Variants in TMCC1 observed in about 807,000 individuals in gnomAD.
TMCC1 encodes transmembrane and coiled-coil domains protein 1.
In TMCC1, 15 loss-of-function variants were observed where a neutral mutation model predicts 52.4. The observed-to-expected ratio is 0.29, with a 90% CI of 0.19 to 0.44. The LOEUF is 0.44. Among genes scored for constraint, TMCC1 ranks in the 20% least tolerant of loss-of-function variants. TMCC1 has a pLI of 1.00. For synonymous variants in TMCC1, 279 were observed against 301.9 expected, an observed-to-expected ratio of 0.92 and a Z score of 0.79; for missense variants, 503 against 806.0, an observed-to-expected ratio of 0.62 and a Z score of 4.55.
chr3:129,672,460 T>G (rs952515865), intron 4 of TMCC1, among the ~76,000 whole-genome samples: 1 of 151,870 alleles, frequency 6.6e-6, no homozygotes, highest in Non-Finnish European at 1.5e-5. Flanking sequence ...ATTACACAGT[T>G]ATGGTGGCAC....
At chr3:129,759,587 T>TG in intron 4 of TMCC1, among the ~76,000 whole-genome samples, 2 of 147,948 alleles carry the variant, frequency 1.4e-5, no homozygotes, top group Non-Finnish European at 3.0e-5. Context: ...TTTTGAGAGT[T>TG]TTTTTTTTTT....
chr3:129,709,454 C>T (rs115079105), intron 4 of TMCC1, among the ~76,000 whole-genome samples: 2,417 of 114,464 alleles, frequency 0.021, 41 homozygotes, highest in Non-Finnish European at 0.031. Flanking sequence ...CCAGCCTGAG[C>T]GACAGAGCGA....
chr3:129,869,729 C>A (rs896274473), intron 2 of TMCC1, among the ~76,000 whole-genome samples: 1 of 152,232 alleles, frequency 6.6e-6, no homozygotes, highest in South Asian at 2.1e-4. Context: ...AACCTCCCAA[C>A]TTACCTTGAT....
chr3:129,681,448 C>G (rs566573931), intron 4 of TMCC1, among the ~76,000 whole-genome samples: 1 of 150,608 alleles, frequency 6.6e-6, no homozygotes, highest in East Asian at 1.9e-4. Context: ...AAGTAGTCAA[C>G]GTTTTTTTTT....
chr3:129,808,932 A>C (rs550594113), intron 4 of TMCC1, among the ~76,000 whole-genome samples: 4 of 151,284 alleles, frequency 2.6e-5, no homozygotes, highest in East Asian at 1.9e-4. Flanking sequence ...AAAAAAAAAA[A>C]AAAAAACAAA....
chr3:129,720,302 T>A (rs191382099), intron 4 of TMCC1, among the ~76,000 whole-genome samples: 1 of 152,140 alleles, frequency 6.6e-6, no homozygotes, highest in East Asian at 1.9e-4. Context: ...CAGTGAAATG[T>A]TAGCAAATGT....
Position 129,758,704 on chromosome 3 carries a change from C to T in TMCC1, c.576+69099G>A, listed in dbSNP as rs544837390. On this transcript the variant is annotated intron_variant, in intron 4 of 6. Coordinates refer to ENST00000393238, the MANE Select transcript of TMCC1 (RefSeq NM_001017395.5). ...TTTTTGAATTGTGGTTAGAATTTAC[C>T]ATCCTAACCGTTTCTAAGTATATAG... Among the ~76,000 whole-genome samples, 6 of 152,042 alleles carry T rather than the reference C, an allele frequency of 3.9e-5. No homozygotes were observed. The East Asian group carries it at 1.2e-3, about 29-fold the overall frequency.
At chr3:129,744,360 C>T (rs2051735111) in intron 4 of TMCC1, among the ~76,000 whole-genome samples, 1 of 152,058 alleles carries the variant, frequency 6.6e-6, no homozygotes, top group African/African-American at 2.4e-5. Flanking sequence ...ACTATGTTGC[C>T]CAGGCTGGTC....
intron 4 of TMCC1, among the ~76,000 whole-genome samples, chr3:129,770,773 A>AG (rs530863464): frequency 1.3e-5 from 2 of 152,234 alleles, no homozygotes; most frequent in Non-Finnish European, 2.9e-5. Flanking sequence ...TCATACCCAT[A>AG]GGATGCATAA....
intron 2 of TMCC1, among the ~76,000 whole-genome samples, chr3:129,869,776 A>G (rs1049516872): frequency 6.6e-6 from 1 of 152,236 alleles, no homozygotes; most frequent in Non-Finnish European, 1.5e-5. Flanking sequence ...AATGTAAGCA[A>G]TGCTGTCAAG....
intron 4 of TMCC1, among the ~76,000 whole-genome samples, chr3:129,748,654 C>A (rs1309557883): frequency 6.6e-6 from 1 of 151,884 alleles, no homozygotes; most frequent in African/African-American, 2.4e-5. Context: ...TAAAATGTTT[C>A]ATAAATCATT....
intron 2 of TMCC1, among the ~76,000 whole-genome samples, chr3:129,853,238 A>G (rs1432248476): frequency 6.6e-6 from 1 of 152,228 alleles, no homozygotes; most frequent in Admixed American, 6.5e-5. Context: ...ACTGCAGTAC[A>G]TAAACAAATA....
chr3:129,892,098 G>A (rs1448561374), intron 1 of TMCC1, among the ~76,000 whole-genome samples: 1 of 152,162 alleles, frequency 6.6e-6, no homozygotes, highest in Non-Finnish European at 1.5e-5. Flanking sequence ...ACAGTACACA[G>A]CACCTACACC....
At chr3:129,686,612 GT>G (rs1388790898) in intron 4 of TMCC1, among the ~76,000 whole-genome samples, 6 of 152,298 alleles carry the variant, frequency 3.9e-5, no homozygotes, top group African/African-American at 1.4e-4. Context: ...CTTTCAGGAG[GT>G]TTATGGCTGA....
At chr3:129,800,923 C>T (rs960718634) in intron 4 of TMCC1, among the ~76,000 whole-genome samples, 1 of 103,330 alleles carries the variant, frequency 9.7e-6, no homozygotes, top group African/African-American at 3.9e-5. Context: ...ACATCTCACA[C>T]TATTTTTTTT....
intron 4 of TMCC1, among the ~76,000 whole-genome samples, chr3:129,810,378 A>G (rs987967613): frequency 6.6e-6 from 1 of 152,070 alleles, no homozygotes; most frequent in Non-Finnish European, 1.5e-5. Flanking sequence ...CTAAGCAAAA[A>G]TCAAGAGACA....
chr3:129,771,284 CA>C (rs1183794510), intron 4 of TMCC1, among the ~76,000 whole-genome samples: 1 of 148,084 alleles, frequency 6.8e-6, no homozygotes, highest in Admixed American at 6.6e-5. Context: ...AAATGAGGAG[CA>C]AAAAGAAACA....
At chr3:129,827,612 T>C in intron 4 of TMCC1, 191 bp downstream of exon 4, 2 of 622,164 alleles carry the variant, frequency 3.2e-6, no homozygotes, top group Non-Finnish European at 5.4e-6. Context: ...AGGAAGGAAA[T>C]AGGAATATAA....
At chr3:129,779,854 A>G (rs1228224102) in intron 4 of TMCC1, among the ~76,000 whole-genome samples, 1 of 152,208 alleles carries the variant, frequency 6.6e-6, no homozygotes, top group Non-Finnish European at 1.5e-5. Flanking sequence ...ATACTCTTCA[A>G]TCTTGAGTTA....
Sources: gnomAD v4.1 joint callset for allele counts (sites outside exome capture counted in the v4.1 genomes callset) on GRCh38, gnomAD v4.1.1 for gene constraint, MANE v1.5 for transcripts, NCBI Gene and HGNC (gene_info 2026-07-23, HGNC 2026-07-21) for gene names.